EEFSEC: variants seen among roughly 807,000 people sequenced by gnomAD.
EEFSEC encodes the protein selenocysteine-specific elongation factor.
In EEFSEC, 43 loss-of-function variants were observed where a neutral mutation model predicts 42.1. That is an observed-to-expected ratio of 1.02 (90% CI 0.80 to 1.32). EEFSEC has a LOEUF of 1.32. EEFSEC is among the 40% of genes most tolerant of loss of function. EEFSEC has a pLI of 0.00. For missense variants in EEFSEC, 745 were observed against 803.6 expected, an observed-to-expected ratio of 0.93 and a Z score of 0.88; for synonymous variants, 354 against 339.1, an observed-to-expected ratio of 1.04 and a Z score of -0.48.
intron 4 of EEFSEC, among the ~76,000 whole-genome samples, chr3:128,289,358 C>T (rs190528980): frequency 6.6e-6 from 1 of 152,356 alleles, no homozygotes; most frequent in African/African-American, 2.4e-5. Context: ...ACCTTCCAGA[C>T]TCTTGCCAAG....
At chr3:128,370,299 T>C (rs2067638851) in intron 6 of EEFSEC, among the ~76,000 whole-genome samples, 1 of 152,064 alleles carries the variant, frequency 6.6e-6, no homozygotes, top group South Asian at 2.1e-4. Flanking sequence ...AGGTGGTTGT[T>C]AGGAGGTTCA....
At chr3:128,210,308 T>C (rs528206734) in intron 1 of EEFSEC, among the ~76,000 whole-genome samples, 11 of 152,148 alleles carry the variant, frequency 7.2e-5, no homozygotes, top group South Asian at 2.1e-4. Flanking sequence ...GAGAGGCAGA[T>C]TGAGTAGTTG....
At chr3:128,290,826 A>T (rs2066636058) in intron 4 of EEFSEC, among the ~76,000 whole-genome samples, 1 of 152,078 alleles carries the variant, frequency 6.6e-6, no homozygotes, top group Non-Finnish European at 1.5e-5. Context: ...GCTCACTGCA[A>T]CCTGTACCTC....
intron 4 of EEFSEC, among the ~76,000 whole-genome samples, chr3:128,335,846 G>C (rs769838843): frequency 6.6e-6 from 1 of 152,208 alleles, no homozygotes; most frequent in Non-Finnish European, 1.5e-5. Context: ...AGCCGACCCT[G>C]TCTCCTGATG....
In EEFSEC at chr3:128,341,574, G is replaced by A; in HGVS notation, c.1128G>A (p.Gln376=). ...SFNFSQEYLF[Q]EQYLSKDLTP... is the part of the protein sequence containing the mutation. Reference sequence around the variant, plus strand: ...ACTTCTCTCAAGAATACCTTTTCCAGGAGCAGTACCTGTCCAAGGATTTGA... The same window carrying A: ...ACTTCTCTCAAGAATACCTTTTCCAAGAGCAGTACCTGTCCAAGGATTTGA... Residue 376 remains glutamine (Q), a synonymous_variant, in exon 5 of 7, where the codon CAG becomes CAA. Coordinates refer to ENST00000254730, the MANE Select transcript of EEFSEC (RefSeq NM_021937.5). 4 of 1,614,050 alleles carry A rather than the reference G, an allele frequency of 2.5e-6. No homozygotes were observed. Among genetic ancestry groups the A allele is most frequent in the Non-Finnish European group, 3.4e-6 (4 of 1,180,032 alleles).
intron 1 of EEFSEC, among the ~76,000 whole-genome samples, chr3:128,204,188 C>T (rs1397320444): frequency 6.6e-6 from 1 of 152,198 alleles, no homozygotes; most frequent in East Asian, 1.9e-4. Context: ...ATCCTGGCTC[C>T]ATCACTTGCT....
intron 3 of EEFSEC, 44 bp from the exon 4 acceptor site, chr3:128,264,573 G>T: frequency 1.3e-6 from 2 of 1,599,942 alleles, no homozygotes; most frequent in South Asian, 1.1e-5. Context: ...TGCCCCATCT[G>T]GCTCCTCTCC....
rs564057618 is a variant in EEFSEC, at chr3:128,392,024, G to A, written c.1601-16045G>A. ...TGGGTCCTGTCTTTGCGGAGAGCAT[G>A]GTGATCCTTTGCTCCTCTTCACCCA... On this transcript the variant is annotated intron_variant, in intron 6 of 6. Transcript: ENST00000254730. 3.1e-4 allele frequency among the ~76,000 whole-genome samples: 47 copies of A among 152,328 alleles called. No homozygotes were observed. The South Asian group carries it at 9.5e-3, about 31-fold the overall frequency.
At chr3:128,416,471 G>C in the EEFSEC span, among the ~76,000 whole-genome samples, 1 of 152,154 alleles carries the variant, frequency 6.6e-6, no homozygotes, top group Admixed American at 6.5e-5. Context: ...CCATGCCCCT[G>C]CCTGGAGCAC....
In EEFSEC at chr3:128,407,276, G is replaced by A. The variant is rs79611379; in HGVS notation, c.1601-793G>A. On this transcript the variant is annotated intron_variant, in intron 6 of 6. Coordinates refer to ENST00000254730, the MANE Select transcript of EEFSEC (RefSeq NM_021937.5). ...CAACTCATAGAGGTAGCTGGAAAGC[G>A]GTGGGGGCTGCACCCACCCAAGCCT... is the stretch of plus-strand genomic sequence containing the variant. Among the ~76,000 whole-genome samples the A allele has an allele frequency of 8.1e-4, 123 of 152,368 alleles. No homozygotes were observed. In the East Asian group the frequency reaches 0.019, roughly 24 times the overall value.
intron 1 of EEFSEC, among the ~76,000 whole-genome samples, chr3:128,205,318 C>A (rs527933947): frequency 6.6e-6 from 1 of 152,124 alleles, no homozygotes; most frequent in Admixed American, 6.5e-5. Context: ...ACTGAGGAGA[C>A]AAACACAGAA....
intron 1 of EEFSEC, among the ~76,000 whole-genome samples, chr3:128,218,510 C>T (rs2065832262): frequency 6.6e-6 from 1 of 152,246 alleles, no homozygotes; most frequent in African/African-American, 2.4e-5. Context: ...ACTCAAGCTG[C>T]TCAACCGTCT....
intron 4 of EEFSEC, among the ~76,000 whole-genome samples, chr3:128,292,554 A>G (rs2811523): frequency 0.84 from 127,019 of 151,594 alleles, 53,706 homozygotes; most frequent in East Asian, 0.99. Flanking sequence ...TTGTGTTTCT[A>G]TAAGGAATTA....
intron 6 of EEFSEC, 95 bp from the exon 7 acceptor site, chr3:128,407,974 G>A (rs927501355): frequency 3.6e-5 from 44 of 1,226,716 alleles, no homozygotes; most frequent in Non-Finnish European, 4.6e-5. Context: ...GAGGGAGGCA[G>A]AAGAGGGGTG....
chr3:128,422,627 T>A, the EEFSEC span, among the ~76,000 whole-genome samples: 1 of 152,234 alleles, frequency 6.6e-6, no homozygotes, highest in South Asian at 2.1e-4. Flanking sequence ...CCCATTAGTT[T>A]ATTGATCCCC....
chr3:128,382,753 C>T (rs1433073855), intron 6 of EEFSEC, among the ~76,000 whole-genome samples: 1 of 152,138 alleles, frequency 6.6e-6, no homozygotes, highest in Non-Finnish European at 1.5e-5. Flanking sequence ...CCACTCTCAA[C>T]TCTTGCCCTT....
intron 1 of EEFSEC, among the ~76,000 whole-genome samples, chr3:128,168,233 C>T (rs1038275837): frequency 6.6e-6 from 1 of 152,098 alleles, no homozygotes; most frequent in Non-Finnish European, 1.5e-5. Context: ...GGAGAAGAGG[C>T]CCTCCAGAGG....
intron 1 of EEFSEC, among the ~76,000 whole-genome samples, chr3:128,185,217 C>T (rs750254492): frequency 6.6e-6 from 1 of 152,008 alleles, no homozygotes; most frequent in Non-Finnish European, 1.5e-5. Context: ...ATGGCCCCAT[C>T]GCTGCTGGGG....
At chr3:128,396,303 G>A (rs2067980945) in intron 6 of EEFSEC, among the ~76,000 whole-genome samples, 1 of 152,160 alleles carries the variant, frequency 6.6e-6, no homozygotes, top group Admixed American at 6.5e-5. Flanking sequence ...GAGGAAGCTG[G>A]GCTTCTCCAG....
Sources: gnomAD v4.1 joint callset for allele counts (sites outside exome capture counted in the v4.1 genomes callset) on GRCh38, gnomAD v4.1.1 for gene constraint, MANE v1.5 for transcripts, NCBI Gene and HGNC (gene_info 2026-07-23, HGNC 2026-07-21) for gene names.